The following UGT1A7 variants were observed in gnomAD, a reference collection of about 807,000 sequenced individuals.
The protein encoded by UGT1A7 is UDP glucuronosyltransferase family 1 member A7, also known as UDP-glucuronosyltransferase 1A7.
A neutral mutation model predicts 45.6 loss-of-function variants in UGT1A7; 33 were observed. The observed-to-expected ratio is 0.72, with a 90% CI of 0.55 to 0.97. The LOEUF is 0.97. Among genes scored for constraint, UGT1A7 ranks in the 50% least tolerant of loss-of-function variants. The probability of loss-of-function intolerance (pLI) is 0.00; values close to 1 mark genes in which losing one functional copy is unlikely to be tolerated. For synonymous variants in UGT1A7, 274 were observed against 250.6 expected (o/e 1.09, Z -0.88); for missense variants, 684 against 666.2 (o/e 1.03, Z -0.29).
intron 1 of UGT1A7, chr2:233,713,464 C>G (rs12475068): frequency 0.098 from 158,292 of 1,613,912 alleles, 8,805 homozygotes; most frequent in South Asian, 0.2. Flanking sequence ...CACCTCTGCG[C>G]GGCGGTGCTG....
chr2:233,688,577 C>G (rs2074902180), intron 1 of UGT1A7, among the ~76,000 whole-genome samples: 1 of 152,126 alleles, frequency 6.6e-6, no homozygotes, highest in African/African-American at 2.4e-5. Context: ...ATGAGTTCAT[C>G]TTGTTTTGGT....
intron 1 of UGT1A7, among the ~76,000 whole-genome samples, chr2:233,726,689 C>T (rs1298047788): frequency 2.0e-5 from 3 of 152,182 alleles, no homozygotes; most frequent in Non-Finnish European, 2.9e-5. Flanking sequence ...CCACCTGTAA[C>T]GGAACATATT....
intron 1 of UGT1A7, chr2:233,714,008 T>A (rs1460602380): frequency 4.9e-5 from 75 of 1,532,242 alleles, no homozygotes; most frequent in Non-Finnish European, 6.4e-5. Context: ...TGAGATAAAC[T>A]TTTAAAGGGT....
chr2:233,690,782 CA>C, intron 1 of UGT1A7: 1 of 703,324 alleles, frequency 1.4e-6, no homozygotes, highest in Non-Finnish European at 1.9e-6. Context: ...CACATACACA[CA>C]CACACACACA....
At position 233,767,163 on chromosome 2, in the gene UGT1A7, A is replaced by C; in HGVS notation, c.985A>C (p.Thr329Pro). ...TGATGCTTTGGGCAAAATCCCTCAG[A>C]CAGTAAGAAGATTCTATACCATGGC... is the stretch of plus-strand genomic sequence containing the variant. Reference protein sequence around the residue: ...IADALGKIPQTVLWRYTGTRP... With the variant: ...IADALGKIPQPVLWRYTGTRP... Residue 329 changes from threonine (T) to proline (P), a missense_variant and splice_region_variant, in exon 2 of 5, where the codon ACA becomes CCA. Thr to Pro is a conservative substitution (Grantham distance 38). Coordinates refer to ENST00000373426, the MANE Select transcript of UGT1A7 (RefSeq NM_019077.3). The C allele has an allele frequency of 6.2e-7, 1 of 1,614,100 alleles. No individual in the cohort carries two copies. The highest frequency in any genetic ancestry group is 8.5e-7 in the Non-Finnish European group (1 of 1,180,006).
At chr2:233,711,444 A>AG (rs2076181432) in intron 1 of UGT1A7, among the ~76,000 whole-genome samples, 2 of 152,198 alleles carry the variant, frequency 1.3e-5, no homozygotes, top group Admixed American at 1.3e-4. Context: ...TACAGTTTTA[A>AG]GGGGGTTGGA....
intron 1 of UGT1A7, chr2:233,755,502 C>T (rs1234908381): frequency 5.5e-6 from 1 of 180,326 alleles, no homozygotes; most frequent in Non-Finnish European, 1.2e-5. Flanking sequence ...GCTCCAAGAC[C>T]AGGCCCCGCC....
chr2:233,770,320 A>G (rs1342178288), intron 4 of UGT1A7: 1 of 152,182 alleles, frequency 6.6e-6, no homozygotes, highest in African/African-American at 2.4e-5. Flanking sequence ...TATGCTGACA[A>G]CCAGGCCATA....
At chr2:233,707,423 CT>C (rs1175644218) in intron 1 of UGT1A7, among the ~76,000 whole-genome samples, 1 of 151,946 alleles carries the variant, frequency 6.6e-6, no homozygotes, top group Non-Finnish European at 1.5e-5. Flanking sequence ...TCGACTATTT[CT>C]TTGCTTTTCT....
intron 1 of UGT1A7, chr2:233,743,933 G>T (rs1319527828): frequency 7.4e-7 from 1 of 1,357,046 alleles, no homozygotes; most frequent in African/African-American, 1.5e-5. Context: ...TGGCCAGAAC[G>T]GCCCACCAGG....
intron 3 of UGT1A7, 70 bp from the exon 4 acceptor site, chr2:233,768,150 G>A: frequency 6.2e-7 from 1 of 1,611,942 alleles, no homozygotes; most frequent in Middle Eastern, 1.7e-4. Flanking sequence ...AGTGTTTTCA[G>A]AACCTAGATG....
intron 1 of UGT1A7, among the ~76,000 whole-genome samples, chr2:233,688,220 C>G (rs1367273237): frequency 6.6e-6 from 1 of 152,222 alleles, no homozygotes; most frequent in East Asian, 1.9e-4. Context: ...TGTGGCTTAT[C>G]CATGTTGTAG....
intron 1 of UGT1A7, among the ~76,000 whole-genome samples, chr2:233,720,207 G>A (rs764211548): frequency 6.6e-6 from 1 of 152,150 alleles, no homozygotes; most frequent in Non-Finnish European, 1.5e-5. Flanking sequence ...TGTGAAGGTG[G>A]GATGGATGCA....
At chr2:233,683,395 A>T (rs1186306965) in intron 1 of UGT1A7, among the ~76,000 whole-genome samples, 5 of 152,160 alleles carry the variant, frequency 3.3e-5, no homozygotes, top group African/African-American at 1.2e-4. Flanking sequence ...ATTGATAGAG[A>T]TTTAAGTGTT....
chr2:233,755,109 T>C, intron 1 of UGT1A7: 1 of 1,333,450 alleles, frequency 7.5e-7, no homozygotes, highest in Non-Finnish European at 1.0e-6. Flanking sequence ...CGACAACACC[T>C]CGTAGGCCTC....
rs1372667993 is a variant in UGT1A7 at position 233,718,421 on chromosome 2, A to G, written c.855+35629A>G. On this transcript the variant is annotated intron_variant, in intron 1 of 4. Coordinates refer to ENST00000373426, the MANE Select transcript of UGT1A7 (RefSeq NM_019077.3). Reference sequence around the variant, plus strand: ...AATAGCGTCACATTCAGCAGAGAACATGTGGTTGGGGACTAGGGCAATGGT... The same window carrying G: ...AATAGCGTCACATTCAGCAGAGAACGTGTGGTTGGGGACTAGGGCAATGGT... Among the ~76,000 whole-genome samples, 6 of 152,220 alleles carry G rather than the reference A, an allele frequency of 3.9e-5. No homozygotes were observed. The South Asian group carries it at 1.0e-3, about 26-fold the overall frequency.
Position 233,765,281 on chromosome 2 carries a change from A to G in UGT1A7, c.856-1753A>G, listed in dbSNP as rs552450239. On this transcript the variant is annotated intron_variant, in intron 1 of 4. Transcript: ENST00000373426. Reference sequence around the variant, plus strand: ...GTATATACCCAAAGAAATATAAATTATTCTACTATAAAGACACATGCACAT... The same window carrying G: ...GTATATACCCAAAGAAATATAAATTGTTCTACTATAAAGACACATGCACAT... Among the ~76,000 whole-genome samples, 6 of 152,338 alleles carry G rather than the reference A, an allele frequency of 3.9e-5. No homozygotes were observed. The East Asian group carries it at 1.2e-3, about 29-fold the overall frequency.
Position 233,743,944 on chromosome 2 carries a change from C to G in UGT1A7, c.856-23090C>G, listed in dbSNP as rs558062868. 11 of 1,351,522 alleles carry G rather than the reference C, an allele frequency of 8.1e-6. No individual in the cohort carries two copies. In the Admixed American group the frequency reaches 1.2e-4, roughly 14 times the overall value. The allele number at this position is 1,351,522 out of a possible 1,614,324, so 83.7% of individuals were successfully genotyped here. A position where few individuals can be genotyped will look rare whatever the true frequency, so the allele number is the denominator to read the frequency against. ...TGGATGGCCAGAACGGCCCACCAGG[C>G]ACTGGCACAGCGAGCGGCAAGGCTG... On this transcript the variant is annotated intron_variant, in intron 1 of 4. Transcript: ENST00000373426.
intron 1 of UGT1A7, among the ~76,000 whole-genome samples, chr2:233,703,920 T>G (rs1316054867): frequency 6.6e-6 from 1 of 151,942 alleles, no homozygotes; most frequent in Non-Finnish European, 1.5e-5. Flanking sequence ...AGACAAAATC[T>G]CATTCTGTTA....
Sources: gnomAD v4.1 joint callset for allele counts (sites outside exome capture counted in the v4.1 genomes callset) on GRCh38, gnomAD v4.1.1 for gene constraint, MANE v1.5 for transcripts, NCBI Gene and HGNC (gene_info 2026-07-23, HGNC 2026-07-21) for gene names.